Variants in CYB5R4 observed in about 807,000 individuals in gnomAD.
The protein encoded by CYB5R4 is N-terminal cytochrome b5 and cytochrome b5 oxidoreductase domain-containing protein.
CYB5R4 carries 55 observed loss-of-function variants against 70.2 expected under a neutral mutation model. The observed-to-expected ratio is 0.78, with a 90% CI of 0.63 to 0.98. CYB5R4 has a LOEUF of 0.98. CYB5R4 is among the 50% of genes least tolerant of loss of function. The pLI is 0.00. For missense variants in CYB5R4, 562 were observed against 612.6 expected (o/e 0.92, Z 0.87); for synonymous variants, 197 against 199.5 (o/e 0.99, Z 0.11).
intron 2 of CYB5R4, 41 bp downstream of exon 2, chr6:83,864,369 A>G (rs761721077): frequency 4.5e-6 from 7 of 1,563,048 alleles, no homozygotes; most frequent in African/African-American, 1.4e-5. Flanking sequence ...ATGTTGCCTG[A>G]ACTTTCCAAT....
At chr6:83,949,099 T>A (rs920735263) in intron 14 of CYB5R4, among the ~76,000 whole-genome samples, 36 of 150,064 alleles carry the variant, frequency 2.4e-4, no homozygotes, top group Non-Finnish European at 1.5e-4. Flanking sequence ...CCCCATAGAC[T>A]CCTGGCGTTT....
intron 2 of CYB5R4, among the ~76,000 whole-genome samples, chr6:83,870,486 T>C (rs554917819): frequency 1.3e-5 from 2 of 152,126 alleles, no homozygotes; most frequent in Admixed American, 6.5e-5. Flanking sequence ...TTGGTTCATT[T>C]CTGTTTTCAG....
chr6:83,876,444 A>C (rs978404879), intron 2 of CYB5R4, among the ~76,000 whole-genome samples: 1 of 151,366 alleles, frequency 6.6e-6, no homozygotes, highest in Non-Finnish European at 1.5e-5. Context: ...CATAGTTATC[A>C]TTATATTTTA....
At chr6:83,870,855 G>T (rs2099457477) in intron 2 of CYB5R4, among the ~76,000 whole-genome samples, 1 of 151,784 alleles carries the variant, frequency 6.6e-6, no homozygotes, top group South Asian at 2.1e-4. Context: ...CAACATGCAG[G>T]TTCCTAGCTG....
At chr6:83,933,618 A>G (rs925256039) in intron 10 of CYB5R4, among the ~76,000 whole-genome samples, 2 of 152,204 alleles carry the variant, frequency 1.3e-5, no homozygotes, top group Non-Finnish European at 2.9e-5. Context: ...AAAAGTTAAT[A>G]TCTTCACGTT....
chr6:83,888,035 A>G (rs775188702), intron 2 of CYB5R4, among the ~76,000 whole-genome samples: 6 of 152,214 alleles, frequency 3.9e-5, no homozygotes, highest in Non-Finnish European at 8.8e-5. Flanking sequence ...AGAACTCACT[A>G]ATAGCCTAGT....
At position 83,882,552 on chromosome 6, in the gene CYB5R4, G is replaced by T. The variant is rs551922886; in HGVS notation, c.230-10970G>T. On this transcript the variant is annotated intron_variant, in intron 2 of 15. Transcript: ENST00000369681. ...TTTCTACAACATATTTATAAGGTCA[G>T]AATATAATCCAAAGTTACTAGATAT... Among the ~76,000 whole-genome samples, 42 of 152,202 alleles carry T rather than the reference G, an allele frequency of 2.8e-4. No homozygotes were observed. In the South Asian group the frequency reaches 8.7e-3, roughly 32 times the overall value.
intron 3 of CYB5R4, among the ~76,000 whole-genome samples, chr6:83,900,685 C>T (rs1313444476): frequency 6.6e-6 from 1 of 152,160 alleles, no homozygotes; most frequent in African/African-American, 2.4e-5. Context: ...GGATAGTTAG[C>T]TCTTCTTGTT....
intron 14 of CYB5R4, among the ~76,000 whole-genome samples, chr6:83,952,131 A>T (rs934757443): frequency 1.3e-5 from 2 of 152,190 alleles, no homozygotes; most frequent in African/African-American, 4.8e-5. Flanking sequence ...GGGGAAATAA[A>T]GGGATTCTAA....
intron 3 of CYB5R4, among the ~76,000 whole-genome samples, chr6:83,894,107 T>C (rs1304425505): frequency 6.6e-6 from 1 of 152,220 alleles, no homozygotes; most frequent in African/African-American, 2.4e-5. Context: ...GATTAATGAA[T>C]AGAAACTTAT....
intron 2 of CYB5R4, among the ~76,000 whole-genome samples, chr6:83,889,820 AG>A (rs1267859370): frequency 1.3e-5 from 2 of 152,214 alleles, no homozygotes; most frequent in Non-Finnish European, 2.9e-5. Flanking sequence ...GCAAAGCAGG[AG>A]CAGGCACATC....
intron 3 of CYB5R4, among the ~76,000 whole-genome samples, chr6:83,897,677 G>C (rs1393280957): frequency 6.6e-6 from 1 of 152,132 alleles, no homozygotes; most frequent in Non-Finnish European, 1.5e-5. Context: ...TGTGTCTGTT[G>C]GCTGCATAAA....
chr6:83,908,420 C>T (rs375245642), intron 3 of CYB5R4, among the ~76,000 whole-genome samples: 13 of 152,202 alleles, frequency 8.5e-5, no homozygotes, highest in African/African-American at 2.6e-4. Context: ...GTCTCTTCAC[C>T]GGGAAACCAT....
chr6:83,959,688 G>A (rs1304612306), intron 15 of CYB5R4, 136 bp from the exon 16 acceptor site: 5 of 715,072 alleles, frequency 7.0e-6, no homozygotes, highest in Non-Finnish European at 1.1e-5. Flanking sequence ...AGGTGATAGT[G>A]TTTTTTTATT....
At chr6:83,943,851 G>A (rs370516435) in intron 14 of CYB5R4, among the ~76,000 whole-genome samples, 155 of 151,966 alleles carry the variant, frequency 1.0e-3, no homozygotes, top group African/African-American at 3.6e-3. Flanking sequence ...GCGGAAGAAA[G>A]GATATCAGAG....
At position 83,959,490 on chromosome 6, in the gene CYB5R4, G is replaced by C. The variant is rs183616306; in HGVS notation, c.1512-334G>C. On this transcript the variant is annotated intron_variant, in intron 15 of 15. Transcript: ENST00000369681. ...CAAATAAATTGCAGGATGGAGTGGG[G>C]GTCTGGGGGATCTTACAGATCAAAG... Among the ~76,000 whole-genome samples the C allele has an allele frequency of 9.5e-4, 144 of 152,232 alleles. 2 individuals carry two copies. Among genetic ancestry groups the C allele is most frequent in the Non-Finnish European group, 2.5e-4 (17 of 67,992 alleles).
intron 2 of CYB5R4, among the ~76,000 whole-genome samples, chr6:83,887,587 C>T (rs1250057057): frequency 1.3e-5 from 2 of 152,144 alleles, no homozygotes; most frequent in Admixed American, 1.3e-4. Flanking sequence ...CAGTGTACCC[C>T]TAATATTGCT....
At position 83,934,642 on chromosome 6, in the gene CYB5R4, C is replaced by T. The variant is rs1290013499; in HGVS notation, c.862C>T (p.His288Tyr). The T allele has an allele frequency of 6.2e-7, 1 of 1,613,020 alleles. No individual in the cohort carries two copies. The highest frequency in any genetic ancestry group is 8.5e-7 in the Non-Finnish European group (1 of 1,179,096). The change falls in exon 11 of 16, where the codon CAT becomes TAT. Residue 288 changes from histidine (H) to tyrosine (Y), a missense_variant. By Grantham distance (83) the His-to-Tyr change is moderately conservative. Transcript: ENST00000369681. ...CQLISKEDVT[H>Y]DTRLFCLMLP... ...GTTAATTTCCAAGGAAGATGTTACTCATGATACGAGGCTTTTCTGTTTGAT... is the reference window on the plus strand; with the variant it reads ...GTTAATTTCCAAGGAAGATGTTACTTATGATACGAGGCTTTTCTGTTTGAT...
intron 2 of CYB5R4, among the ~76,000 whole-genome samples, chr6:83,893,199 A>C (rs1394155438): frequency 6.6e-6 from 1 of 151,988 alleles, no homozygotes; most frequent in East Asian, 1.9e-4. Flanking sequence ...TTCACATAGC[A>C]CTCTAGTGAA....
Sources: gnomAD v4.1 joint callset for allele counts (sites outside exome capture counted in the v4.1 genomes callset) on GRCh38, gnomAD v4.1.1 for gene constraint, MANE v1.5 for transcripts, NCBI Gene and HGNC (gene_info 2026-07-23, HGNC 2026-07-21) for gene names.